DOCK3: variants seen among roughly 807,000 people sequenced by gnomAD.
DOCK3 encodes the protein dedicator of cytokinesis 3.
DOCK3 carries 60 observed loss-of-function variants against 265.6 expected under a neutral mutation model. That is an observed-to-expected ratio of 0.23 (90% CI 0.18 to 0.28). The LOEUF (loss-of-function observed/expected upper bound fraction) is 0.28. DOCK3 is among the 10% of genes least tolerant of loss of function. The probability of loss-of-function intolerance (pLI) is 1.00; values close to 1 mark genes in which losing one functional copy is unlikely to be tolerated. For missense variants in DOCK3, 1,981 were observed against 2,594.3 expected (o/e 0.76, Z 5.14); for synonymous variants, 881 against 938.0 (o/e 0.94, Z 1.11).
At chr3:51,352,352 C>G (rs1483106231) in intron 40 of DOCK3, among the ~76,000 whole-genome samples, 1 of 152,120 alleles carries the variant, frequency 6.6e-6, no homozygotes, top group Non-Finnish European at 1.5e-5. Context: ...TCTGTTCTGC[C>G]AAGCAGGAAT....
intron 1 of DOCK3, among the ~76,000 whole-genome samples, chr3:50,713,657 TTTTG>T (rs1379655435): frequency 5.9e-5 from 9 of 151,594 alleles, no homozygotes; most frequent in Non-Finnish European, 1.3e-4. Context: ...TATATATATT[TTTTG>T]TTTGTTTGTT....
intron 41 of DOCK3, among the ~76,000 whole-genome samples, chr3:51,355,595 T>A (rs2086309542): frequency 6.6e-6 from 1 of 152,226 alleles, no homozygotes; most frequent in Non-Finnish European, 1.5e-5. Flanking sequence ...GGGGACCACA[T>A]GACAGTTGCC....
intron 33 of DOCK3, among the ~76,000 whole-genome samples, chr3:51,332,724 T>C (rs1485957969): frequency 1.3e-5 from 2 of 152,186 alleles, no homozygotes; most frequent in South Asian, 2.1e-4. Flanking sequence ...AGGATGGCTC[T>C]GGGCAGTGAT....
chr3:50,967,932 T>C (rs2077081685), intron 5 of DOCK3, among the ~76,000 whole-genome samples: 1 of 152,118 alleles, frequency 6.6e-6, no homozygotes, highest in African/African-American at 2.4e-5. Flanking sequence ...GGTAGTTCTG[T>C]TTTCAGTTGT....
At chr3:51,303,218 G>A (rs1263300059) in intron 27 of DOCK3, among the ~76,000 whole-genome samples, 2 of 151,452 alleles carry the variant, frequency 1.3e-5, no homozygotes, top group Admixed American at 1.3e-4. Context: ...TGATACTTGT[G>A]TTTACACTGT....
chr3:50,918,953 G>T (rs2050281740), intron 4 of DOCK3, among the ~76,000 whole-genome samples: 1 of 152,106 alleles, frequency 6.6e-6, no homozygotes, highest in South Asian at 2.1e-4. Context: ...TGTAAGGAAG[G>T]GATCCAGTTT....
chr3:50,870,386 T>C (rs906453388), intron 3 of DOCK3, among the ~76,000 whole-genome samples: 2 of 152,244 alleles, frequency 1.3e-5, no homozygotes, highest in African/African-American at 2.4e-5. Flanking sequence ...ACTCTTCTTA[T>C]AATTTTTGTC....
At chr3:50,802,214 A>G (rs754319190) in intron 2 of DOCK3, among the ~76,000 whole-genome samples, 19 of 151,786 alleles carry the variant, frequency 1.3e-4, no homozygotes, top group Non-Finnish European at 2.5e-4. Flanking sequence ...ATAGGGATTT[A>G]CTCCTATTAT....
chr3:50,933,658 C>T (rs1192854563), intron 4 of DOCK3, among the ~76,000 whole-genome samples: 5 of 151,692 alleles, frequency 3.3e-5, no homozygotes, highest in South Asian at 2.1e-4. Flanking sequence ...AAAACTAATC[C>T]GAGCAAGACT....
At chr3:50,953,532 A>G (rs13093420) in intron 5 of DOCK3, among the ~76,000 whole-genome samples, 2 of 152,142 alleles carry the variant, frequency 1.3e-5, no homozygotes, top group Non-Finnish European at 2.9e-5. Context: ...AACCTCAGAA[A>G]ATTCAGTACA....
At chr3:51,148,557 A>C (rs1275814814) in intron 10 of DOCK3, among the ~76,000 whole-genome samples, 26 of 152,220 alleles carry the variant, frequency 1.7e-4, no homozygotes, top group Non-Finnish European at 3.2e-4. Flanking sequence ...AGTTTTCTAC[A>C]TATGGCTAGC....
intron 35 of DOCK3, among the ~76,000 whole-genome samples, chr3:51,337,913 C>T (rs1188679009): frequency 6.6e-6 from 1 of 152,226 alleles, no homozygotes; most frequent in Non-Finnish European, 1.5e-5. Context: ...AGGTGGTGAA[C>T]ATGTACAGAG....
At chr3:51,341,409 T>G in intron 38 of DOCK3, 24 bp downstream of exon 38, 2 of 1,612,072 alleles carry the variant, frequency 1.2e-6, no homozygotes, top group African/African-American at 1.3e-5. Flanking sequence ...GGCAAGCCCT[T>G]TAGCCCTTCA....
intron 5 of DOCK3, among the ~76,000 whole-genome samples, chr3:51,006,928 CCATGTCCCTACAAAGGA>C (rs1187017632): frequency 6.6e-6 from 1 of 152,166 alleles, no homozygotes; most frequent in Non-Finnish European, 1.5e-5. Context: ...CCAGCTTCAT[CCATGTCCCTACAAAGGA>C]CATGAACTCA....
At chr3:51,248,069 T>A (rs1207835738) in intron 22 of DOCK3, among the ~76,000 whole-genome samples, 2 of 152,224 alleles carry the variant, frequency 1.3e-5, no homozygotes, top group Admixed American at 1.3e-4. Flanking sequence ...ATACCTACCA[T>A]GCTTCAGACA....
intron 1 of DOCK3, among the ~76,000 whole-genome samples, chr3:50,701,240 C>CTT (rs1466688031): frequency 6.7e-6 from 1 of 150,218 alleles, no homozygotes; most frequent in Non-Finnish European, 1.5e-5. Context: ...AAGCCATTCT[C>CTT]TTGAGTAGCT....
chr3:51,049,201 G>T (rs4541436), intron 5 of DOCK3, among the ~76,000 whole-genome samples: 2 of 152,078 alleles, frequency 1.3e-5, no homozygotes, highest in South Asian at 2.1e-4. Context: ...TGATGCATGC[G>T]TGTAGTCCCA....
At chr3:50,974,918 C>T (rs2077381664) in intron 5 of DOCK3, among the ~76,000 whole-genome samples, 1 of 124,186 alleles carries the variant, frequency 8.1e-6, no homozygotes, top group Admixed American at 8.1e-5. Context: ...AATGGGAGTT[C>T]AGTCATGATT....
chr3:51,139,663 C>G (rs1244294841), intron 9 of DOCK3, among the ~76,000 whole-genome samples: 1 of 151,996 alleles, frequency 6.6e-6, no homozygotes, highest in Non-Finnish European at 1.5e-5. Flanking sequence ...AGACAATAAA[C>G]AAAGAAAGAA....
Sources: allele counts gnomAD v4.1 joint callset (sites outside exome capture counted in the v4.1 genomes callset), GRCh38; gene constraint gnomAD v4.1.1; transcripts MANE v1.5; gene names NCBI Gene and HGNC (gene_info 2026-07-23, HGNC 2026-07-21).